MDH1: variants seen among roughly 807,000 people sequenced by gnomAD.
The protein encoded by MDH1 is malate dehydrogenase, cytoplasmic.
Under a neutral mutation model 38.7 loss-of-function variants are expected in MDH1, and 15 were observed. That is an observed-to-expected ratio of 0.39 (90% confidence interval 0.26 to 0.60). The LOEUF is 0.60. Among genes scored for constraint, MDH1 ranks in the 20% least tolerant of loss-of-function variants. MDH1 has a pLI of 0.56. For missense variants in MDH1, 368 were observed against 405.2 expected (o/e 0.91, Z 0.79); for synonymous variants, 144 against 143.6 (o/e 1.00, Z -0.02).
intron 1 of MDH1, chr2:63,593,604 A>G (rs774306405): frequency 2.1e-6 from 1 of 471,744 alleles, no homozygotes; most frequent in Middle Eastern, 3.2e-4. Context: ...GCTTAGTCAC[A>G]TCAGTGGACC....
chr2:63,605,818 C>A, intron 7 of MDH1, 121 bp from the exon 8 acceptor site: 1 of 817,386 alleles, frequency 1.2e-6, no homozygotes, highest in South Asian at 1.4e-5. Flanking sequence ...GATGATAGTT[C>A]CTTACACAGT....
chr2:63,600,997 A>G (rs1709407144), intron 5 of MDH1, among the ~76,000 whole-genome samples: 2 of 152,290 alleles, frequency 1.3e-5, no homozygotes, highest in Admixed American at 1.3e-4. Context: ...TCTGCTTCCA[A>G]AGGTACTTCA....
At chr2:63,602,934 CTTTTTTTTTTTTTTTTTTTTT>C (rs370479356) in intron 5 of MDH1, among the ~76,000 whole-genome samples, 8 of 131,618 alleles carry the variant, frequency 6.1e-5, no homozygotes, top group East Asian at 2.1e-4. Flanking sequence ...TTTAACCGTT[CTTTTTTTTTTTTTTTTTTTTT>C]TTTTTTTTTT....
chr2:63,596,578 G>A (rs955298854), intron 3 of MDH1, among the ~76,000 whole-genome samples: 4 of 152,188 alleles, frequency 2.6e-5, no homozygotes, highest in African/African-American at 9.6e-5. Context: ...AGCAAATAAG[G>A]ACATGTGACT....
In MDH1 at chr2:63,599,279, G is replaced by A. The variant is rs561442340; in HGVS notation, c.485G>A (p.Arg162Gln). The change falls in exon 5 of 9, where the codon CGA becomes CAA. Residue 162 changes from arginine (R) to glutamine (Q), a missense_variant. Arg to Gln is a conservative substitution (Grantham distance 43). Coordinates refer to ENST00000233114, the MANE Select transcript of MDH1 (RefSeq NM_005917.4). Reference protein sequence around the residue: ...FSCLTRLDHNRAKAQIALKLG... With the variant: ...FSCLTRLDHNQAKAQIALKLG... ...TGCTTGACTCGTTTGGATCACAACC[G>A]AGCTAAAGCTCAAGTAAGAAAAATA... The A allele has an allele frequency of 6.2e-6, 10 of 1,611,586 alleles. No individual in the cohort carries two copies. Among genetic ancestry groups the A allele is most frequent in the East Asian group, 2.2e-5 (1 of 44,750 alleles).
Position 63,593,332 on chromosome 2 carries a change from G to A in MDH1, c.4-1156G>A, listed in dbSNP as rs1709238516. 6 of 285,676 alleles carry A rather than the reference G, an allele frequency of 2.1e-5. No individual in the cohort carries two copies. In the South Asian group the frequency reaches 2.2e-4, roughly 10 times the overall value. The allele number at this position is 285,676 out of a possible 1,614,324, so 17.7% of individuals were successfully genotyped here. ...TGGTCTCAAACTCCCAACCTCAGGT[G>A]ATCCGCCTGCCTCAGCCTCCCAAAG... On this transcript the variant is annotated intron_variant, in intron 1 of 8. Transcript: ENST00000233114.
Position 63,604,804 on chromosome 2 carries a change from C to A in MDH1, c.607C>A (p.Gln203Lys), listed in dbSNP as rs372478225. 1.9e-6 allele frequency: 3 copies of A among 1,614,006 alleles called. No individual in the cohort carries two copies. In the African/African-American group the frequency reaches 4.0e-5, roughly 22 times the overall value. The change falls in exon 6 of 9, where the codon CAA becomes AAA. Residue 203 changes from glutamine to lysine, a missense_variant. By Grantham distance (53) the Gln-to-Lys change is moderately conservative. Coordinates refer to ENST00000233114, the MANE Select transcript of MDH1 (RefSeq NM_005917.4). ...PDVNHAKVKL[Q>K]GKEVGVYEAL... ...TGTCAACCATGCCAAGGTGAAATTG[C>A]AAGGAAAGGAAGTTGGTGTTTATGA... is the stretch of plus-strand genomic sequence containing the variant.
chr2:63,596,135 G>T (rs1709308235), intron 3 of MDH1, among the ~76,000 whole-genome samples: 1 of 152,094 alleles, frequency 6.6e-6, no homozygotes, highest in African/African-American at 2.4e-5. Flanking sequence ...CCTTAAATTT[G>T]ATCGAAAAGT....
chr2:63,602,934 CTTTTTTTTTTTTTTTTTTTTTTT>C (rs370479356), intron 5 of MDH1, among the ~76,000 whole-genome samples: 21 of 131,538 alleles, frequency 1.6e-4, no homozygotes, highest in African/African-American at 2.4e-4. Context: ...TTTAACCGTT[CTTTTTTTTTTTTTTTTTTTTTTT>C]TTTTTTTTTT....
intron 7 of MDH1, among the ~76,000 whole-genome samples, 177 bp downstream of exon 7, chr2:63,605,570 C>G (rs2106629051): frequency 1.3e-5 from 2 of 152,294 alleles, no homozygotes; most frequent in Middle Eastern, 3.4e-3. Context: ...GCTGTTTTGT[C>G]ATCTTTTACA....
At chr2:63,597,263 C>A (rs1709331786) in intron 3 of MDH1, 136 bp from the exon 4 acceptor site, 3 of 1,236,148 alleles carry the variant, frequency 2.4e-6, no homozygotes, top group Non-Finnish European at 3.1e-6. Flanking sequence ...CTTTCTCAGG[C>A]TCCTGAAATG....
intron 5 of MDH1, among the ~76,000 whole-genome samples, chr2:63,604,043 TTATAGC>T (rs1709481400): frequency 6.6e-6 from 1 of 152,196 alleles, no homozygotes; most frequent in Non-Finnish European, 1.5e-5. Context: ...CTTTCTGGAG[TTATAGC>T]TAGAGATTGT....
rs531335478 is a variant in MDH1 at position 63,597,577 on chromosome 2, G to A, written c.375+3G>A. On this transcript the variant is annotated splice_donor_region_variant and intron_variant, in intron 4 of 8. Transcript: ENST00000233114. ...AATACGCCAAGAAGTCAGTTAAGGTGACCAATGCTGTATTTTATGGGATTT... is the reference window on the plus strand; with the variant it reads ...AATACGCCAAGAAGTCAGTTAAGGTAACCAATGCTGTATTTTATGGGATTT... 3 of 1,381,038 alleles carry A rather than the reference G, an allele frequency of 2.2e-6. No homozygotes were observed. The highest frequency in any genetic ancestry group is 2.0e-5 in the South Asian group (1 of 50,902). 85.5% of individuals were successfully genotyped at this position (1,381,038 alleles called of 1,614,324 possible). A position where few individuals can be genotyped will look rare whatever the true frequency, so the allele number is the denominator to read the frequency against.
Position 63,594,598 on chromosome 2 carries a change from T to C in MDH1, c.102+12T>C, listed in dbSNP as rs1328969773. 1.3e-6 allele frequency: 2 copies of C among 1,562,186 alleles called. No homozygotes were observed. Among genetic ancestry groups the C allele is most frequent in the South Asian group, 1.1e-5 (1 of 89,022 alleles). On this transcript the variant is annotated intron_variant, in intron 2 of 8. Coordinates refer to ENST00000233114, the MANE Select transcript of MDH1 (RefSeq NM_005917.4). ...TTGGTAAAGATCAGGTAGGAACAGG[T>C]GTCTATAAATCTTAAGTTATTAGAG... is the stretch of plus-strand genomic sequence containing the variant.
Position 63,589,053 on chromosome 2 carries a change from G to C in MDH1, c.3+7G>C, listed in dbSNP as rs892834606. The C allele has an allele frequency of 6.2e-7, 1 of 1,613,976 alleles. No homozygotes were observed. The highest frequency in any genetic ancestry group is 1.3e-5 in the African/African-American group (1 of 74,940). On this transcript the variant is annotated splice_region_variant and intron_variant, in intron 1 of 8. Transcript: ENST00000233114. ...CCCGCAGTTTTCAATCATGGTGAGT[G>C]TGGGCCCCGGGTTCCTGCCCACCTC...
chr2:63,597,493 A>T lies in MDH1; in HGVS notation c.294A>T (p.Arg98Ser). 6.6e-7 allele frequency: 1 copy of T among 1,525,846 alleles called. No individual in the cohort carries two copies. The highest frequency in any genetic ancestry group is 8.8e-7 in the Non-Finnish European group (1 of 1,130,254). 94.5% of individuals were successfully genotyped at this position (1,525,846 alleles called of 1,614,324 possible). ...GSMPRREGME[R>S]KDLLKANVKI... Reference sequence around the variant, plus strand: ...TGCCAAGAAGGGAAGGCATGGAGAGAAAAGATTTACTGAAAGCAAATGTGA... The same window carrying T: ...TGCCAAGAAGGGAAGGCATGGAGAGTAAAGATTTACTGAAAGCAAATGTGA... Residue 98 changes from arginine (R) to serine (S), a missense_variant, in exon 4 of 9, where the codon AGA (arginine) becomes AGT (serine). Arg to Ser is a moderately radical substitution (Grantham distance 110). Coordinates refer to ENST00000233114, the MANE Select transcript of MDH1 (RefSeq NM_005917.4).
At chr2:63,605,228 C>G in intron 6 of MDH1, 52 bp from the exon 7 acceptor site, 1 of 1,213,486 alleles carries the variant, frequency 8.2e-7, no homozygotes, top group Non-Finnish European at 1.2e-6. Flanking sequence ...TTAATGAAAA[C>G]TTTGCTATCA....
chr2:63,604,519 T>C (rs1051083033), intron 5 of MDH1, among the ~76,000 whole-genome samples, 177 bp from the exon 6 acceptor site: 3 of 152,258 alleles, frequency 2.0e-5, no homozygotes, highest in African/African-American at 7.2e-5. Flanking sequence ...ACTGTTAAGC[T>C]GTTGTAGGAA....
intron 1 of MDH1, 36 bp downstream of exon 1, chr2:63,589,082 C>T: frequency 1.9e-6 from 3 of 1,614,128 alleles, no homozygotes; most frequent in Non-Finnish European, 2.5e-6. Flanking sequence ...CCACCTCTGG[C>T]CCTCGCGCCC....
Sources: gnomAD v4.1 joint callset for allele counts (sites outside exome capture counted in the v4.1 genomes callset) on GRCh38, gnomAD v4.1.1 for gene constraint, MANE v1.5 for transcripts, NCBI Gene and HGNC (gene_info 2026-07-23, HGNC 2026-07-21) for gene names.